Variants in ADGRB3 observed in about 807,000 individuals in gnomAD.
The protein encoded by ADGRB3 is adhesion G protein-coupled receptor B3, also known as brain-specific angiogenesis inhibitor 3.
A neutral mutation model predicts 193.4 loss-of-function variants in ADGRB3; 37 were observed. The observed-to-expected ratio is 0.19, with a 90% CI of 0.15 to 0.25. The LOEUF (loss-of-function observed/expected upper bound fraction) is 0.25, where lower values mean the gene tolerates loss of function less well. ADGRB3 is among the 10% of genes least tolerant of loss of function. ADGRB3 has a pLI of 1.00. For missense variants in ADGRB3, 1,637 were observed against 1,852.9 expected, an observed-to-expected ratio of 0.88 and a Z score of 2.14; for synonymous variants, 690 against 644.2, an observed-to-expected ratio of 1.07 and a Z score of -1.08.
At chr6:69,323,226 T>A (rs1768499726) in intron 20 of ADGRB3, among the ~76,000 whole-genome samples, 1 of 152,008 alleles carries the variant, frequency 6.6e-6, no homozygotes, top group Non-Finnish European at 1.5e-5. Flanking sequence ...GCATACAATT[T>A]AGTTGAAACA....
intron 20 of ADGRB3, among the ~76,000 whole-genome samples, chr6:69,297,134 T>G (rs1393819828): frequency 6.6e-6 from 1 of 152,148 alleles, no homozygotes; most frequent in African/African-American, 2.4e-5. Context: ...TCAGCAACCT[T>G]TGGTGCTATG....
At chr6:69,358,950 A>G (rs1156372591) in intron 28 of ADGRB3, among the ~76,000 whole-genome samples, 1 of 151,650 alleles carries the variant, frequency 6.6e-6, no homozygotes, top group Admixed American at 6.6e-5. Context: ...TTTTCAGCAA[A>G]CACAACTATA....
intron 17 of ADGRB3, among the ~76,000 whole-genome samples, chr6:69,194,211 A>T (rs2150355782): frequency 6.6e-6 from 1 of 152,266 alleles, no homozygotes; most frequent in East Asian, 1.9e-4. Flanking sequence ...CTTACCCAAA[A>T]TAAAAAAGCA....
intron 12 of ADGRB3, 70 bp from the exon 13 acceptor site, chr6:69,018,321 A>T: frequency 1.0e-6 from 1 of 960,222 alleles, no homozygotes; most frequent in Non-Finnish European, 1.5e-6. Flanking sequence ...GTAGTTTAAA[A>T]AAATTCAGTT....
chr6:69,247,890 A>AT (rs527554884), intron 20 of ADGRB3, among the ~76,000 whole-genome samples: 38 of 151,696 alleles, frequency 2.5e-4, no homozygotes, highest in South Asian at 4.2e-4. Flanking sequence ...ATGGAGGTCA[A>AT]TTTTTTTTTA....
Position 69,306,507 on chromosome 6 carries a change from T to C in ADGRB3, c.2815-18365T>C, listed in dbSNP as rs569381690. On this transcript the variant is annotated intron_variant, in intron 20 of 31. Transcript: ENST00000370598. ...AGAGAAATAAACTGGAAATAGATCT[T>C]TCTTGGGAAGCTTACATAAAGGGAG... Among the ~76,000 whole-genome samples the C allele has an allele frequency of 1.1e-4, 17 of 151,606 alleles. 1 individual carries two copies. The highest frequency in any genetic ancestry group is 4.1e-4 in the African/African-American group (17 of 41,186).
intron 3 of ADGRB3, among the ~76,000 whole-genome samples, chr6:68,846,491 C>T (rs1338863707): frequency 6.6e-6 from 1 of 152,218 alleles, no homozygotes; most frequent in Non-Finnish European, 1.5e-5. Flanking sequence ...GGGCAAGGCC[C>T]AGGGGCCCCA....
intron 15 of ADGRB3, among the ~76,000 whole-genome samples, chr6:69,053,636 T>C (rs1191555582): frequency 1.3e-5 from 2 of 152,184 alleles, no homozygotes; most frequent in African/African-American, 4.8e-5. Context: ...TCCAGCCCAG[T>C]TCAGAGGGTC....
At chr6:69,045,963 T>C (rs1412056683) in intron 13 of ADGRB3, among the ~76,000 whole-genome samples, 2 of 152,168 alleles carry the variant, frequency 1.3e-5, no homozygotes, top group African/African-American at 2.4e-5. Flanking sequence ...GTACCTCTAA[T>C]TGAAGAATGA....
intron 3 of ADGRB3, among the ~76,000 whole-genome samples, chr6:68,859,691 C>T (rs560914052): frequency 6.6e-6 from 1 of 152,102 alleles, no homozygotes; most frequent in African/African-American, 2.4e-5. Flanking sequence ...ATGGGAAAGA[C>T]CCACCCCTAG....
intron 16 of ADGRB3, among the ~76,000 whole-genome samples, chr6:69,065,599 T>G (rs1373090142): frequency 1.3e-5 from 2 of 152,114 alleles, no homozygotes; most frequent in African/African-American, 4.8e-5. Context: ...ATTACCAGTC[T>G]TATAAAGATA....
chr6:68,995,150 C>T (rs1323768209), intron 11 of ADGRB3, among the ~76,000 whole-genome samples: 1 of 152,108 alleles, frequency 6.6e-6, no homozygotes, highest in African/African-American at 2.4e-5. Context: ...ATCTTTTGAA[C>T]ATTTCAAAGA....
chr6:69,366,698 G>A (rs982789792), intron 29 of ADGRB3, among the ~76,000 whole-genome samples: 1 of 152,018 alleles, frequency 6.6e-6, no homozygotes, highest in South Asian at 2.1e-4. Flanking sequence ...GTTCATAATG[G>A]TTTTCGTTGT....
chr6:69,247,886 G>T (rs974051495), intron 20 of ADGRB3, among the ~76,000 whole-genome samples: 2 of 152,036 alleles, frequency 1.3e-5, no homozygotes, highest in Non-Finnish European at 2.9e-5. Context: ...TATAATGGAG[G>T]TCAATTTTTT....
At chr6:68,858,368 G>A (rs958462219) in intron 3 of ADGRB3, among the ~76,000 whole-genome samples, 2 of 151,924 alleles carry the variant, frequency 1.3e-5, no homozygotes, top group African/African-American at 4.8e-5. Flanking sequence ...GCCAGGTGTG[G>A]TGGTGTGTGC....
At chr6:69,383,118 G>C (rs535213464) in intron 31 of ADGRB3, among the ~76,000 whole-genome samples, 183 bp downstream of exon 31, 4 of 151,874 alleles carry the variant, frequency 2.6e-5, no homozygotes, top group Admixed American at 2.6e-4. Context: ...GAATCTTTAG[G>C]CATTTTATTC....
At chr6:68,880,676 T>C (rs1005323430) in intron 3 of ADGRB3, among the ~76,000 whole-genome samples, 8 of 152,188 alleles carry the variant, frequency 5.3e-5, no homozygotes, top group Non-Finnish European at 8.8e-5. Flanking sequence ...GAGGGAACTT[T>C]GCAATTGAAC....
rs57616226 is a variant in ADGRB3 at position 69,069,553 on chromosome 6, C to CAAAAAAAAAAAAAAAAAAAAAAAAAA, written c.2437-6439_2437-6414dup. On this transcript the variant is annotated intron_variant, in intron 16 of 31. Coordinates refer to ENST00000370598, the MANE Select transcript of ADGRB3 (RefSeq NM_001704.3). ...TGAAACCCCGTCTCTACTAAAAATA[C>CAAAAAAAAAAAAAAAAAAAAAAAAAA]AAAAAAAAAAAAAAAAAAAAAAAAA... Among the ~76,000 whole-genome samples, 9 of 31,782 alleles carry CAAAAAAAAAAAAAAAAAAAAAAAAAA rather than the reference C, an allele frequency of 2.8e-4. 3 individuals are homozygous for CAAAAAAAAAAAAAAAAAAAAAAAAAA. The highest frequency in any genetic ancestry group is 1.4e-3 in the Admixed American group (2 of 1,480). The allele number at this position is 31,782 out of a possible 152,430, so 20.9% of individuals were successfully genotyped here. A position where few individuals can be genotyped will look rare whatever the true frequency, so the allele number is the denominator to read the frequency against.
chr6:68,797,576 G>A (rs1248893117), intron 3 of ADGRB3, among the ~76,000 whole-genome samples: 1 of 152,066 alleles, frequency 6.6e-6, no homozygotes, highest in Non-Finnish European at 1.5e-5. Context: ...AGAAGAGAGA[G>A]TGGAGGTTCA....
Sources: gnomAD v4.1 joint callset for allele counts (sites outside exome capture counted in the v4.1 genomes callset) on GRCh38, gnomAD v4.1.1 for gene constraint, MANE v1.5 for transcripts, NCBI Gene and HGNC (gene_info 2026-07-23, HGNC 2026-07-21) for gene names.